The following ERN2 variants were observed in gnomAD, a reference collection of about 807,000 sequenced individuals.
ERN2 encodes serine/threonine-protein kinase/endoribonuclease IRE2.
A neutral mutation model predicts 107.9 loss-of-function variants in ERN2; 111 were observed. That is an observed-to-expected ratio of 1.03 (90% CI 0.88 to 1.20). ERN2 has a LOEUF of 1.20. Ranked by LOEUF, ERN2 falls within the 50% of genes most tolerant of loss-of-function variation. ERN2 has a pLI of 0.00. For synonymous variants in ERN2, 524 were observed against 501.7 expected, an observed-to-expected ratio of 1.04 and a Z score of -0.59; for missense variants, 1,225 against 1,197.9, an observed-to-expected ratio of 1.02 and a Z score of -0.33.
Position 23,700,988 on chromosome 16 carries a change from C to A in ERN2, c.1330G>T (p.Gly444Ter), listed in dbSNP as rs1200190429. 7 of 1,613,980 alleles carry A rather than the reference C, an allele frequency of 4.3e-6. No individual in the cohort carries two copies. The highest frequency in any genetic ancestry group is 5.9e-6 in the Non-Finnish European group (7 of 1,179,984). The change falls in exon 12 of 22, where the codon GGA becomes TGA. Residue 444 changes from glycine to a stop codon, truncating the protein, a stop_gained. Transcript: ENST00000256797. LOFTEE classifies it high-confidence loss of function. ...LAASLTAVLL[G>*]GWILFVMRQQ... ...CTCATCACAAAGAGAATCCACCCTCCCAGGAGGACAGCAGTGAGGCTAGCT... is the reference window on the plus strand; with the variant it reads ...CTCATCACAAAGAGAATCCACCCTCACAGGAGGACAGCAGTGAGGCTAGCT...
intron 3 of ERN2, 123 bp downstream of exon 3, chr16:23,710,393 C>G: frequency 8.1e-7 from 1 of 1,229,242 alleles, no homozygotes; most frequent in Non-Finnish European, 1.2e-6. Flanking sequence ...ATATCACATC[C>G]AGAGCCAATT....
chr16:23,693,375 G>C (rs1959676744), intron 17 of ERN2, among the ~76,000 whole-genome samples: 2 of 151,974 alleles, frequency 1.3e-5, no homozygotes, highest in African/African-American at 4.8e-5. Flanking sequence ...TCACCTGAGG[G>C]CTGGGAGTTC....
chr16:23,694,994 C>T, intron 16 of ERN2, 25 bp downstream of exon 16: 2 of 1,612,394 alleles, frequency 1.2e-6, no homozygotes, highest in Middle Eastern at 1.7e-4. Flanking sequence ...GGACAGGGAG[C>T]GGGAGGCAGG....
chr16:23,696,037 C>A (rs764277940), intron 13 of ERN2, 59 bp from the exon 14 acceptor site: 1 of 1,299,070 alleles, frequency 7.7e-7, no homozygotes, highest in Non-Finnish European at 1.1e-6. Context: ...CGGCCACTGG[C>A]CCAGTCCAGA....
In ERN2 at chr16:23,707,068, G is replaced by A. The variant is rs541150281; in HGVS notation, c.318C>T (p.Phe106=). Residue 106 remains phenylalanine, a synonymous_variant, in exon 5 of 22, where the codon TTC becomes TTT. Coordinates refer to ENST00000256797, the MANE Select transcript of ERN2 (RefSeq NM_033266.4). ...QKQQGLMKLP[F]TIPELVHASP... Reference sequence around the variant, plus strand: ...AGGCATGAACCAGCTCAGGGATGGTGAATGGCAGTTTCTAGGAGACGGAAA... The same window carrying A: ...AGGCATGAACCAGCTCAGGGATGGTAAATGGCAGTTTCTAGGAGACGGAAA... 1 of 1,613,864 alleles carries A rather than the reference G, an allele frequency of 6.2e-7. No individual in the cohort carries two copies. The highest frequency in any genetic ancestry group is 1.1e-5 in the South Asian group (1 of 91,070).
At chr16:23,706,568 G>A in intron 6 of ERN2, 137 bp from the exon 7 acceptor site, 1 of 752,656 alleles carries the variant, frequency 1.3e-6, no homozygotes, top group Non-Finnish European at 2.2e-6. Context: ...ACATCACAGT[G>A]GCAGAGACTG....
Position 23,692,322 on chromosome 16 carries a change from C to T in ERN2, c.2110G>A (p.Val704Met), listed in dbSNP as rs779483070. Residue 704 changes from valine (V) to methionine (M), a missense_variant, in exon 18 of 22, where the codon GTG (valine) becomes ATG (methionine). Coordinates refer to ENST00000256797, the MANE Select transcript of ERN2 (RefSeq NM_033266.4). ...LLPPDSPTSA[V>M]DIFSAGCVFY... ...ACGCAGCCTGCAGAGAAGATGTCCA[C>T]AGCGCTGGTCTGGAGCCAGAGAGAT... 1.2e-6 allele frequency: 2 copies of T among 1,613,048 alleles called. No homozygotes were observed. Among genetic ancestry groups the T allele is most frequent in the Non-Finnish European group, 1.7e-6 (2 of 1,179,994 alleles).
At chr16:23,694,707 G>T in intron 17 of ERN2, 21 bp downstream of exon 17, 1 of 1,579,334 alleles carries the variant, frequency 6.3e-7, no homozygotes. Flanking sequence ...TGTGCCTGGA[G>T]GACTTGGTGG....
intron 4 of ERN2, chr16:23,709,495 AT>A (rs1377743098): frequency 2.1e-5 from 5 of 233,894 alleles, no homozygotes; most frequent in Non-Finnish European, 4.3e-5. Context: ...TCACCACTGG[AT>A]TCTCAGCTTG....
At chr16:23,692,831 A>G (rs190476053) in intron 17 of ERN2, among the ~76,000 whole-genome samples, 12 of 151,992 alleles carry the variant, frequency 7.9e-5, no homozygotes, top group African/African-American at 2.9e-4. Flanking sequence ...GGCTCAAGCA[A>G]TCTACCTCGG....
intron 1 of ERN2, chr16:23,712,025 G>A (rs1246480808): frequency 4.4e-6 from 2 of 454,362 alleles, no homozygotes; most frequent in Non-Finnish European, 8.9e-6. Flanking sequence ...AGCAAACAGG[G>A]TGAGGCTGAG....
chr16:23,694,589 A>G, intron 17 of ERN2, 139 bp downstream of exon 17: 1 of 739,918 alleles, frequency 1.4e-6, no homozygotes, highest in Non-Finnish European at 2.2e-6. Context: ...CCCTTCTTTA[A>G]GGGAAACAAG....
Position 23,702,490 on chromosome 16 carries a change from C to T in ERN2, c.981G>A (p.Glu327=), listed in dbSNP as rs1567249983. ...GCTCTCCTGAGACTTGGAGTGTCAC[C>T]TCATCTGTGGTGGGGCCATCTGCGG... is the stretch of plus-strand genomic sequence containing the variant. The part of the protein sequence containing the change: ...LAPADGPTTD[E]VTLQVSGERE... Residue 327 remains glutamate (E), a synonymous_variant, in exon 10 of 22, where the codon GAG becomes GAA. Coordinates refer to ENST00000256797, the MANE Select transcript of ERN2 (RefSeq NM_033266.4). The T allele has an allele frequency of 3.1e-6, 5 of 1,613,814 alleles. No individual in the cohort carries two copies. The South Asian group carries it at 4.4e-5, about 14-fold the overall frequency.
At chr16:23,694,098 C>A (rs1483671067) in intron 17 of ERN2, among the ~76,000 whole-genome samples, 2 of 152,100 alleles carry the variant, frequency 1.3e-5, no homozygotes, top group Non-Finnish European at 2.9e-5. Flanking sequence ...CAGGCTCAAG[C>A]GATCCTCCCA....
At position 23,694,848 on chromosome 16, in the gene ERN2, G is replaced by C; in HGVS notation, c.1980C>G (p.Asp660Glu). The C allele has an allele frequency of 6.2e-7, 1 of 1,614,192 alleles. No individual in the cohort carries two copies. Among genetic ancestry groups the C allele is most frequent in the Non-Finnish European group, 8.5e-7 (1 of 1,180,028 alleles). The change falls in exon 17 of 22, where the codon GAC (aspartate) becomes GAG (glutamate). Residue 660 changes from aspartate to glutamate, a missense_variant. Coordinates refer to ENST00000256797, the MANE Select transcript of ERN2 (RefSeq NM_033266.4). Reference protein sequence around the residue: ...SQGLGRVVLSDFGLCKKLPAG... With the variant: ...SQGLGRVVLSEFGLCKKLPAG... ...CAGGCAGCTTCTTGCAGAGGCCGAA[G>C]TCTGAGAGCACCACTCTGCCCAGGC... is the stretch of plus-strand genomic sequence containing the variant.
In ERN2 at chr16:23,690,921, CAT is replaced by C; in HGVS notation, c.2689_2690del (p.Met897GlufsTer6). The C allele has an allele frequency of 6.2e-7, 1 of 1,614,056 alleles. No individual in the cohort carries two copies. Among genetic ancestry groups the C allele is most frequent in the Non-Finnish European group, 8.5e-7 (1 of 1,180,032 alleles). On this transcript the variant is annotated frameshift_variant, in exon 22 of 22. Transcript: ENST00000256797. LOFTEE classifies it low-confidence loss of function (END_TRUNC). ...PRLLLHTHRAMRSCASESLFL... is the reference protein window; with the variant it reads ...PRLLLHTHRAXRSCASESLFL... ...AGAGGCTCTCAGAGGCGCAGCTCCT[CAT>C]GGCTCGGTGCGTGTGGAGGAGCAGC...
chr16:23,707,926 C>A (rs764199156), intron 4 of ERN2, among the ~76,000 whole-genome samples: 1 of 152,224 alleles, frequency 6.6e-6, no homozygotes, highest in South Asian at 2.1e-4. Context: ...CCCTTCTCTA[C>A]TCTGCTTTCT....
In ERN2 at chr16:23,705,116, G is replaced by A; in HGVS notation, c.621C>T (p.Gly207=). ...TTCCTGGGTCCACAGTGAGCAGCAG[G>A]CCCATCCCGCAGGACGCCAGGTGGC... ...YMSHLASCGM[G]LLLTVDPGSG... is the part of the protein sequence containing the mutation. The change falls in exon 8 of 22, where the codon GGC becomes GGT. Residue 207 remains glycine (G), a synonymous_variant. Transcript: ENST00000256797. 2.5e-6 allele frequency: 4 copies of A among 1,613,500 alleles called. No homozygotes were observed. The East Asian group carries it at 6.7e-5, about 27-fold the overall frequency.
In ERN2 at chr16:23,690,362, A is replaced by C. The variant is rs539301168; in HGVS notation, c.*469T>G. On this transcript the variant is annotated 3_prime_UTR_variant, in exon 22 of 22. Coordinates refer to ENST00000256797, the MANE Select transcript of ERN2 (RefSeq NM_033266.4). ...CTTTATGCACATTAAACAGATGTGA[A>C]TATTCTTTTTCTTGTATTTCCTGAG... is the stretch of plus-strand genomic sequence containing the variant. 8 of 517,712 alleles carry C rather than the reference A, an allele frequency of 1.5e-5. No individual in the cohort carries two copies. The East Asian group carries it at 2.6e-4, about 17-fold the overall frequency. 32.1% of individuals were successfully genotyped at this position (517,712 alleles called of 1,614,324 possible).
Sources: gnomAD v4.1 joint callset for allele counts (sites outside exome capture counted in the v4.1 genomes callset) on GRCh38, gnomAD v4.1.1 for gene constraint, MANE v1.5 for transcripts, NCBI Gene and HGNC (gene_info 2026-07-23, HGNC 2026-07-21) for gene names.